The following HPSE2 variants were observed in gnomAD, a reference collection of about 807,000 sequenced individuals.
HPSE2 encodes heparanase 2 (inactive).
Under a neutral mutation model 60.5 loss-of-function variants are expected in HPSE2, and 38 were observed. That is an observed-to-expected ratio of 0.63 (90% confidence interval 0.48 to 0.82). The LOEUF is 0.82. Among genes scored for constraint, HPSE2 ranks in the 40% least tolerant of loss-of-function variants. HPSE2 has a pLI of 0.00. For synonymous variants in HPSE2, 295 were observed against 293.2 expected, an observed-to-expected ratio of 1.01 and a Z score of -0.06; for missense variants, 713 against 740.4, an observed-to-expected ratio of 0.96 and a Z score of 0.43.
At chr10:98,486,733 G>C (rs1336699791) in intron 10 of HPSE2, among the ~76,000 whole-genome samples, 1 of 152,182 alleles carries the variant, frequency 6.6e-6, no homozygotes, top group Non-Finnish European at 1.5e-5. Flanking sequence ...CCCACTGAAA[G>C]TCAATGTGCT....
intron 9 of HPSE2, among the ~76,000 whole-genome samples, chr10:98,565,255 C>T (rs557811655): frequency 6.6e-6 from 1 of 151,774 alleles, no homozygotes; most frequent in Non-Finnish European, 1.5e-5. Flanking sequence ...TTTGCTGTAC[C>T]TATCAACCCG....
intron 3 of HPSE2, among the ~76,000 whole-genome samples, chr10:98,827,949 T>G (rs1430915439): frequency 2.0e-5 from 3 of 152,240 alleles, no homozygotes; most frequent in African/African-American, 4.8e-5. Context: ...CTCTCCATAA[T>G]GTGAGTAAAC....
intron 3 of HPSE2, among the ~76,000 whole-genome samples, chr10:99,081,520 A>G (rs1843135360): frequency 6.6e-6 from 1 of 152,052 alleles, no homozygotes; most frequent in Non-Finnish European, 1.5e-5. Flanking sequence ...GAGTATCTGG[A>G]TATACTCGGC....
chr10:98,809,369 AC>A (rs1951115482), intron 3 of HPSE2, among the ~76,000 whole-genome samples: 1 of 152,086 alleles, frequency 6.6e-6, no homozygotes, highest in Admixed American at 6.6e-5. Context: ...AAATTAGGGT[AC>A]TATTAATATA....
intron 8 of HPSE2, among the ~76,000 whole-genome samples, chr10:98,615,627 C>T (rs1441259556): frequency 6.6e-6 from 1 of 152,122 alleles, no homozygotes; most frequent in African/African-American, 2.4e-5. Flanking sequence ...CAGTGGAGGA[C>T]CTGCACTGTT....
chr10:98,928,085 C>G (rs2135096450), intron 3 of HPSE2, among the ~76,000 whole-genome samples: 1 of 148,456 alleles, frequency 6.7e-6, no homozygotes, highest in Admixed American at 6.7e-5. Flanking sequence ...TCGCAACCTA[C>G]TCATCTGACA....
chr10:98,660,253 T>C (rs983483143), intron 6 of HPSE2, among the ~76,000 whole-genome samples: 4 of 152,228 alleles, frequency 2.6e-5, no homozygotes, highest in Non-Finnish European at 5.9e-5. Context: ...TTTCTAAATT[T>C]GTTAGCACTA....
intron 3 of HPSE2, among the ~76,000 whole-genome samples, chr10:99,137,064 T>G (rs1330443931): frequency 6.6e-6 from 1 of 152,180 alleles, no homozygotes; most frequent in Non-Finnish European, 1.5e-5. Flanking sequence ...AAAATCAATG[T>G]GCAAAAATCA....
At chr10:98,503,219 AGAAAAAG>A (rs1367960818) in intron 9 of HPSE2, among the ~76,000 whole-genome samples, 4 of 85,260 alleles carry the variant, frequency 4.7e-5, no homozygotes, top group African/African-American at 8.8e-5. Context: ...TCAGAAAAAA[AGAAAAAG>A]AAAAAAAGAA....
Position 98,459,756 on chromosome 10 carries a change from C to A in HPSE2, c.1614-17G>T, listed in dbSNP as rs575222538. 1.2e-6 allele frequency: 2 copies of A among 1,608,886 alleles called. No individual in the cohort carries two copies. The highest frequency in any genetic ancestry group is 3.4e-5 in the Admixed American group (2 of 59,254). ...TGCACTGACCTACAGTGAGGAAAAACAGTATGGGACTCATTATTGCATTAT... is the reference window on the plus strand; with the variant it reads ...TGCACTGACCTACAGTGAGGAAAAAAAGTATGGGACTCATTATTGCATTAT... On this transcript the variant is annotated splice_polypyrimidine_tract_variant and intron_variant, in intron 11 of 11. Coordinates refer to ENST00000370552, the MANE Select transcript of HPSE2 (RefSeq NM_021828.5).
chr10:99,232,574 G>A lies in HPSE2; in HGVS notation c.291-69C>T, dbSNP rs1043457807. On this transcript the variant is annotated intron_variant, in intron 1 of 11. Transcript: ENST00000370552. ...ACGAGAGCGCGTGGGGCACGGAGAAGGGCCCTCTTCCTACTCCCTGAGGGC... is the reference window on the plus strand; with the variant it reads ...ACGAGAGCGCGTGGGGCACGGAGAAAGGCCCTCTTCCTACTCCCTGAGGGC... 12 of 1,510,736 alleles carry A rather than the reference G, an allele frequency of 7.9e-6. No individual in the cohort carries two copies. In the African/African-American group the frequency reaches 1.7e-4, roughly 21 times the overall value. 93.6% of individuals were successfully genotyped at this position (1,510,736 alleles called of 1,614,324 possible).
intron 3 of HPSE2, among the ~76,000 whole-genome samples, chr10:98,929,981 C>G (rs959318051): frequency 7.0e-6 from 1 of 143,270 alleles, no homozygotes; most frequent in African/African-American, 2.9e-5. Flanking sequence ...TATATGAGTG[C>G]TTTTTTAAAA....
At chr10:98,986,628 GA>G (rs1237528772) in intron 3 of HPSE2, among the ~76,000 whole-genome samples, 1 of 145,742 alleles carries the variant, frequency 6.9e-6, no homozygotes, top group African/African-American at 2.5e-5. Flanking sequence ...CAGAAGGCAA[GA>G]AATAACTAAG....
intron 3 of HPSE2, among the ~76,000 whole-genome samples, chr10:98,778,022 C>A (rs948906527): frequency 6.6e-6 from 1 of 152,084 alleles, no homozygotes. Context: ...ATGATTTCTT[C>A]TGGTTTGGCC....
At chr10:98,618,659 C>A (rs1365646980) in intron 8 of HPSE2, among the ~76,000 whole-genome samples, 1 of 152,154 alleles carries the variant, frequency 6.6e-6, no homozygotes, top group Non-Finnish European at 1.5e-5. Context: ...TCACTGCAAC[C>A]TCTGCTACCC....
At chr10:98,744,798 C>A (rs185963025) in intron 3 of HPSE2, among the ~76,000 whole-genome samples, 5 of 152,322 alleles carry the variant, frequency 3.3e-5, no homozygotes, top group Admixed American at 1.3e-4. Context: ...GGAAGGATAA[C>A]TGGCTGGTGA....
At chr10:98,566,697 A>G (rs1246178767) in intron 9 of HPSE2, among the ~76,000 whole-genome samples, 1 of 152,180 alleles carries the variant, frequency 6.6e-6, no homozygotes, top group African/African-American at 2.4e-5. Flanking sequence ...CATGAGCTGG[A>G]GAGCTGGGGA....
At chr10:98,946,405 T>C (rs1955185255) in intron 3 of HPSE2, among the ~76,000 whole-genome samples, 1 of 151,448 alleles carries the variant, frequency 6.6e-6, no homozygotes, top group South Asian at 2.1e-4. Flanking sequence ...CCCACGAGTT[T>C]TAGACTGCAG....
chr10:98,478,365 C>T (rs1941104715), intron 11 of HPSE2, among the ~76,000 whole-genome samples: 1 of 152,118 alleles, frequency 6.6e-6, no homozygotes, highest in African/African-American at 2.4e-5. Context: ...CTGATGACCA[C>T]TGAGAACACA....
Sources: allele counts gnomAD v4.1 joint callset (sites outside exome capture counted in the v4.1 genomes callset), GRCh38; gene constraint gnomAD v4.1.1; transcripts MANE v1.5; gene names NCBI Gene and HGNC (gene_info 2026-07-23, HGNC 2026-07-21).